Variants in OPCML observed in about 807,000 individuals in gnomAD.
The protein encoded by OPCML is opioid binding protein/cell adhesion molecule like.
A neutral mutation model predicts 37.8 loss-of-function variants in OPCML; 13 were observed. The ratio of observed to expected loss-of-function variants is 0.34; its 90% confidence interval spans 0.22 to 0.55. The LOEUF is 0.55. Ranked by LOEUF, OPCML falls within the 20% of genes least tolerant of loss-of-function variation. OPCML has a pLI of 0.91. For synonymous variants in OPCML, 176 were observed against 168.8 expected, an observed-to-expected ratio of 1.04 and a Z score of -0.33; for missense variants, 341 against 435.6, an observed-to-expected ratio of 0.78 and a Z score of 1.93.
intron 3 of OPCML, among the ~76,000 whole-genome samples, chr11:132,570,253 G>A (rs1026496079): frequency 6.6e-6 from 1 of 152,166 alleles, no homozygotes; most frequent in Non-Finnish European, 1.5e-5. Context: ...CAACAGCAGA[G>A]TTGAATAGCT....
rs552080320 is a variant in OPCML, at chr11:133,212,794, C to A, written c.62-269784G>T. Among the ~76,000 whole-genome samples the A allele has an allele frequency of 6.6e-5, 10 of 152,340 alleles. No homozygotes were observed. The highest frequency in any genetic ancestry group is 5.9e-4 in the Admixed American group (9 of 15,302). On this transcript the variant is annotated intron_variant, in intron 1 of 7. Transcript: ENST00000524381. The surrounding 1 kb of genome is among the most constrained non-coding windows in gnomAD (Gnocchi z 4.9). ...GCTTTCAGACCCCTTGGGACCCAAC[C>A]TGGCCCCCTAGCTGTTGAGAGGTAA...
intron 3 of OPCML, among the ~76,000 whole-genome samples, chr11:132,587,671 G>T (rs1050979970): frequency 6.6e-6 from 1 of 152,138 alleles, no homozygotes; most frequent in Non-Finnish European, 1.5e-5. Context: ...CACCTAAGGG[G>T]GCACTGCCAT....
intron 2 of OPCML, among the ~76,000 whole-genome samples, chr11:132,726,734 G>A (rs1944899238): frequency 6.6e-6 from 1 of 152,100 alleles, no homozygotes. Context: ...GGAAGAGGAA[G>A]CAGAGAGTTA....
intron 2 of OPCML, among the ~76,000 whole-genome samples, chr11:132,884,222 T>C (rs1206871731): frequency 6.6e-6 from 1 of 151,902 alleles, no homozygotes; most frequent in African/African-American, 2.4e-5. Flanking sequence ...CTTTCTGGGG[T>C]GGGGAGAAGA....
chr11:132,421,408 A>G (rs911871126), intron 7 of OPCML, among the ~76,000 whole-genome samples: 2 of 152,212 alleles, frequency 1.3e-5, no homozygotes, highest in Non-Finnish European at 2.9e-5. Flanking sequence ...AAATTGGCCT[A>G]CTGGAAATAA....
Position 133,206,166 on chromosome 11 carries a change from T to C in OPCML, c.62-263156A>G, listed in dbSNP as rs964297362. Among the ~76,000 whole-genome samples the C allele has an allele frequency of 6.6e-6, 1 of 152,134 alleles. No individual in the cohort carries two copies. The highest frequency in any genetic ancestry group is 2.4e-5 in the African/African-American group (1 of 41,422). ...CTGTTTCAAGGTTTCAAAAAGACAA[T>C]GCACAAAAAACTGCTTCCCATGGTG... On this transcript the variant is annotated intron_variant, in intron 1 of 7. Coordinates refer to ENST00000524381, the MANE Select transcript of OPCML (RefSeq NM_001012393.5). The surrounding 1 kb of genome is among the most constrained non-coding windows in gnomAD (Gnocchi z 4.7).
intron 1 of OPCML, chr11:133,007,418 A>T (rs772939336): frequency 5.1e-6 from 5 of 985,314 alleles, no homozygotes; most frequent in Non-Finnish European, 6.0e-6. Flanking sequence ...GAGTCAAAGA[A>T]TGCTGTTACC....
At chr11:133,201,455 G>T (rs1347631567) in intron 1 of OPCML, among the ~76,000 whole-genome samples, 6 of 152,214 alleles carry the variant, frequency 3.9e-5, no homozygotes, top group African/African-American at 1.4e-4. Context: ...ACGTTTTGAT[G>T]AATTTTTCTC....
At chr11:133,045,532 A>C (rs1303319472) in intron 1 of OPCML, among the ~76,000 whole-genome samples, 3 of 152,184 alleles carry the variant, frequency 2.0e-5, no homozygotes, top group Non-Finnish European at 4.4e-5. Context: ...AGAAACAAAA[A>C]TTCAGTCTCT....
intron 1 of OPCML, among the ~76,000 whole-genome samples, chr11:133,201,305 C>CTTTTT (rs71477789): frequency 0.011 from 1,621 of 147,778 alleles, 33 homozygotes; most frequent in African/African-American, 0.037. Flanking sequence ...ACAATGCATG[C>CTTTTT]TTTTTTTTTT....
At chr11:133,007,776 G>T in intron 1 of OPCML, 1 of 985,430 alleles carries the variant, frequency 1.0e-6, no homozygotes, top group Non-Finnish European at 1.2e-6. Flanking sequence ...TAGACATTTT[G>T]AATAGTTAGC....
intron 2 of OPCML, among the ~76,000 whole-genome samples, chr11:132,893,508 C>T (rs937354649): frequency 6.6e-6 from 1 of 152,278 alleles, no homozygotes; most frequent in Middle Eastern, 3.4e-3. Flanking sequence ...TCCATCTAGT[C>T]TAGAGGTGAG....
At chr11:132,508,220 C>A (rs1232275219) in intron 4 of OPCML, among the ~76,000 whole-genome samples, 3 of 152,170 alleles carry the variant, frequency 2.0e-5, no homozygotes, top group African/African-American at 4.8e-5. Context: ...TGTCCCAACT[C>A]ATTTTATGAG....
intron 4 of OPCML, among the ~76,000 whole-genome samples, chr11:132,488,556 G>C (rs1160493467): frequency 1.3e-5 from 2 of 152,226 alleles, no homozygotes; most frequent in African/African-American, 4.8e-5. Flanking sequence ...AGCTTGTAGG[G>C]CTGGAAGTTC....
intron 1 of OPCML, among the ~76,000 whole-genome samples, chr11:132,961,822 C>T (rs1487021418): frequency 6.6e-6 from 1 of 152,212 alleles, no homozygotes; most frequent in Non-Finnish European, 1.5e-5. Context: ...GCATTAGCTC[C>T]TGTTGCTTCT....
intron 2 of OPCML, among the ~76,000 whole-genome samples, chr11:132,882,902 T>A (rs1406398143): frequency 6.6e-6 from 1 of 152,134 alleles, no homozygotes; most frequent in Non-Finnish European, 1.5e-5. Flanking sequence ...GGAAAAGACT[T>A]TCTAGGAAGT....
At chr11:133,152,846 C>A (rs1423805021) in intron 1 of OPCML, among the ~76,000 whole-genome samples, 2 of 151,256 alleles carry the variant, frequency 1.3e-5, no homozygotes, top group Non-Finnish European at 2.9e-5. Flanking sequence ...TTGTGTGAAG[C>A]ATAATAAAAG....
chr11:132,805,368 T>C (rs1177103100), intron 2 of OPCML, among the ~76,000 whole-genome samples: 4 of 152,172 alleles, frequency 2.6e-5, no homozygotes, highest in South Asian at 4.1e-4. Context: ...GAGAGTGACA[T>C]TGTGCAAATA....
intron 1 of OPCML, among the ~76,000 whole-genome samples, chr11:133,248,221 C>A (rs1941013812): frequency 1.3e-5 from 2 of 152,092 alleles, no homozygotes; most frequent in Non-Finnish European, 2.9e-5. Context: ...TTTGAGCATG[C>A]CCCTTTTTTC....
Sources: gnomAD v4.1 joint callset for allele counts (sites outside exome capture counted in the v4.1 genomes callset) on GRCh38, gnomAD v4.1.1 for gene constraint, Gnocchi (gnomAD v3.1) non-coding constraint, MANE v1.5 for transcripts, NCBI Gene and HGNC (gene_info 2026-07-23, HGNC 2026-07-21) for gene names.